Variants in HECTD4 observed in about 807,000 individuals in gnomAD.
HECTD4 encodes probable E3 ubiquitin-protein ligase HECTD4.
In HECTD4, 114 loss-of-function variants were observed where a neutral mutation model predicts 471.5. The observed-to-expected ratio is 0.24, with a 90% CI of 0.21 to 0.28. The LOEUF is 0.28. Among genes scored for constraint, HECTD4 ranks in the 10% least tolerant of loss-of-function variants. The pLI, the probability that HECTD4 is intolerant of heterozygous loss-of-function variation, is 1.00. For synonymous variants in HECTD4, 2,012 were observed against 2,256.0 expected (o/e 0.89, Z 3.07); for missense variants, 3,866 against 5,651.5 (o/e 0.68, Z 10.13).
intron 7 of HECTD4, among the ~76,000 whole-genome samples, chr12:112,294,478 A>T (rs531371325): frequency 1.9e-4 from 29 of 152,328 alleles, no homozygotes; most frequent in African/African-American, 7.0e-4. Flanking sequence ...GGTACTTTTT[A>T]AAATCTATTC....
At chr12:112,307,518 T>A (rs1312735580) in intron 6 of HECTD4, among the ~76,000 whole-genome samples, 1 of 152,244 alleles carries the variant, frequency 6.6e-6, no homozygotes, top group African/African-American at 2.4e-5. Context: ...CTACCAGTCT[T>A]ATAACTTCTA....
chr12:112,212,540 A>G lies in HECTD4; in HGVS notation c.7576T>C (p.Tyr2526His). ...FTYCGQRLSP[Y>H]LEDVSGGMWP... is the part of the protein sequence containing the mutation. The stretch of plus-strand genomic sequence containing the variant: ...ATGCCACCAGAGACGTCTTCAAGAT[A>G]TGGTGAGAGGCGCTGCCCGCAGTAT... The change falls in exon 49 of 76, where the codon TAT becomes CAT. Residue 2526 changes from tyrosine (Y) to histidine (H), a missense_variant. By Grantham distance (83) the Tyr-to-His change is moderately conservative. Around this residue, in one of 16 missense-constraint regions of HECTD4, gnomAD observed 617 missense variants for 915.1 expected, o/e 0.67. Coordinates refer to ENST00000682272, the MANE Select transcript of HECTD4 (RefSeq NM_001388303.1). The G allele has an allele frequency of 6.2e-7, 1 of 1,613,898 alleles. No individual in the cohort carries two copies. Among genetic ancestry groups the G allele is most frequent in the South Asian group, 1.1e-5 (1 of 91,062 alleles).
chr12:112,180,982 T>C (rs2137022451), intron 62 of HECTD4, among the ~76,000 whole-genome samples: 1 of 149,584 alleles, frequency 6.7e-6, no homozygotes, highest in East Asian at 2.0e-4. Flanking sequence ...AAAAAAAAAA[T>C]TGGGCACGGT....
chr12:112,230,006 C>A, intron 40 of HECTD4, 126 bp from the exon 41 acceptor site: 2 of 804,362 alleles, frequency 2.5e-6, no homozygotes, highest in Non-Finnish European at 3.8e-6. Context: ...ATGTGAGGGA[C>A]CAAAAAACTA....
intron 44 of HECTD4, among the ~76,000 whole-genome samples, chr12:112,226,192 T>TACACAC (rs58470224): frequency 0.047 from 7,007 of 150,410 alleles, 666 homozygotes; most frequent in East Asian, 0.37. Flanking sequence ...GACTTTTCCA[T>TACACAC]ACACACACAC....
rs1025822187 is a variant in HECTD4, at chr12:112,194,199, G to C, written c.8750-525C>G. On this transcript the variant is annotated intron_variant, in intron 56 of 75. Transcript: ENST00000682272. The surrounding 1 kb of genome is among the most constrained non-coding windows in gnomAD (Gnocchi z 4.6). ...AGCGATGTAGTGCACACATACCCTG[G>C]CTGGGTGGGACCCCACAGTTGTGAG... 6.6e-6 allele frequency among the ~76,000 whole-genome samples: 1 copy of C among 152,216 alleles called. No individual in the cohort carries two copies. Among genetic ancestry groups the C allele is most frequent in the Non-Finnish European group, 1.5e-5 (1 of 68,040 alleles).
At chr12:112,290,570 G>A (rs1230077184) in intron 7 of HECTD4, among the ~76,000 whole-genome samples, 4 of 151,916 alleles carry the variant, frequency 2.6e-5, no homozygotes, top group East Asian at 3.9e-4. Flanking sequence ...AAATCAGGCC[G>A]GATGTGGTGG....
intron 7 of HECTD4, among the ~76,000 whole-genome samples, chr12:112,292,600 A>G (rs1431289538): frequency 6.6e-6 from 1 of 152,236 alleles, no homozygotes; most frequent in Non-Finnish European, 1.5e-5. Flanking sequence ...ATGTGAAGAC[A>G]TAGCTATCTA....
chr12:112,167,861 G>A lies in HECTD4; in HGVS notation c.12265C>T (p.Leu4089=). Residue 4089 remains leucine, a synonymous_variant, in exon 71 of 76, where the codon CTG becomes TTG. Coordinates refer to ENST00000682272, the MANE Select transcript of HECTD4 (RefSeq NM_001388303.1). The part of the protein sequence containing the change: ...QVCKELQSSS[L]SLLLLCPSSA... Reference sequence around the variant, plus strand: ...CTGGGGCACAGCAGCAGCAGCGACAGCGAGGAACTCTGCAGCTCCTTACAC... The same window carrying A: ...CTGGGGCACAGCAGCAGCAGCGACAACGAGGAACTCTGCAGCTCCTTACAC... The A allele has an allele frequency of 6.2e-7, 1 of 1,613,674 alleles. No individual in the cohort carries two copies. The highest frequency in any genetic ancestry group is 8.5e-7 in the Non-Finnish European group (1 of 1,179,886).
intron 29 of HECTD4, among the ~76,000 whole-genome samples, chr12:112,246,527 C>G (rs1043528892): frequency 1.3e-5 from 2 of 152,048 alleles, no homozygotes; most frequent in African/African-American, 4.8e-5. Context: ...CCACCTTACT[C>G]AGGAGGCTGA....
rs1379359034 is a variant in HECTD4, at chr12:112,162,112, G to A, written c.*275C>T. The A allele has an allele frequency of 1.0e-5, 4 of 390,746 alleles. No individual in the cohort carries two copies. The highest frequency in any genetic ancestry group is 1.9e-5 in the Non-Finnish European group (4 of 213,684). The allele number at this position is 390,746 out of a possible 1,614,324, so 24.2% of individuals were successfully genotyped here. On this transcript the variant is annotated 3_prime_UTR_variant, in exon 76 of 76. Transcript: ENST00000682272. The surrounding 1 kb of genome is among the most constrained non-coding windows in gnomAD (Gnocchi z 5.2). ...GAATCTGGTGGCCATGAGGGACAATGTCCAAGAAGATCAAATTAGACACAA... is the reference window on the plus strand; with the variant it reads ...GAATCTGGTGGCCATGAGGGACAATATCCAAGAAGATCAAATTAGACACAA...
At chr12:112,312,107 T>G (rs967110915) in intron 4 of HECTD4, among the ~76,000 whole-genome samples, 1 of 151,930 alleles carries the variant, frequency 6.6e-6, no homozygotes, top group Non-Finnish European at 1.5e-5. Context: ...AAGTGGGAAA[T>G]GAAAGGGAGG....
At chr12:112,233,507 G>A (rs2033433560) in intron 37 of HECTD4, among the ~76,000 whole-genome samples, 1 of 152,000 alleles carries the variant, frequency 6.6e-6, no homozygotes, top group Non-Finnish European at 1.5e-5. Flanking sequence ...ACAGGCATGA[G>A]CCACCATGCC....
chr12:112,368,410 A>G (rs2036607146), intron 1 of HECTD4, among the ~76,000 whole-genome samples: 1 of 152,250 alleles, frequency 6.6e-6, no homozygotes, highest in South Asian at 2.1e-4. Flanking sequence ...CAAATTTATA[A>G]TTTACCAAAC....
chr12:112,380,581 ACACACCTTG>A (rs1157762456), intron 1 of HECTD4, among the ~76,000 whole-genome samples: 17 of 152,164 alleles, frequency 1.1e-4, no homozygotes, highest in Admixed American at 2.0e-4. Context: ...AGACACTCAG[ACACACCTTG>A]CTTGTTATAG....
chr12:112,217,732 C>G (rs1045292116), intron 45 of HECTD4, among the ~76,000 whole-genome samples: 1 of 152,202 alleles, frequency 6.6e-6, no homozygotes, highest in Non-Finnish European at 1.5e-5. Flanking sequence ...TATTTATCTT[C>G]CATTATCATC....
chr12:112,338,557 T>C (rs1423635726), intron 1 of HECTD4, among the ~76,000 whole-genome samples: 2 of 152,004 alleles, frequency 1.3e-5, no homozygotes, highest in South Asian at 2.1e-4. Flanking sequence ...GAGGCGCAGG[T>C]TGGAGTGAGC....
chr12:112,267,429 A>G (rs2034305183), intron 13 of HECTD4: 1 of 155,076 alleles, frequency 6.4e-6, no homozygotes, highest in African/African-American at 2.4e-5. Flanking sequence ...AGCTCAAGCG[A>G]TTCACCTGCC....
intron 5 of HECTD4, 136 bp from the exon 6 acceptor site, chr12:112,309,027 G>T: frequency 2.2e-6 from 2 of 893,994 alleles, no homozygotes; most frequent in Non-Finnish European, 3.3e-6. Flanking sequence ...GAAGGAAAGT[G>T]AATGTATTAC....
Sources: gnomAD v4.1 joint callset for allele counts (sites outside exome capture counted in the v4.1 genomes callset) on GRCh38, gnomAD v4.1.1 for gene constraint, gnomAD v4.1.1 regional missense constraint, Gnocchi (gnomAD v3.1) non-coding constraint, MANE v1.5 for transcripts, NCBI Gene and HGNC (gene_info 2026-07-23, HGNC 2026-07-21) for gene names.